The following VDR variants were observed in gnomAD, a reference collection of about 807,000 sequenced individuals.
VDR encodes vitamin D receptor, also known as vitamin D3 receptor.
A neutral mutation model predicts 39.7 loss-of-function variants in VDR; 19 were observed. The ratio of observed to expected loss-of-function variants is 0.48; its 90% CI spans 0.33 to 0.70. VDR has a LOEUF of 0.70. VDR is among the 30% of genes least tolerant of loss of function. VDR has a pLI of 0.02. For synonymous variants in VDR, 242 were observed against 215.8 expected, an observed-to-expected ratio of 1.12 and a Z score of -1.07; for missense variants, 442 against 570.5, an observed-to-expected ratio of 0.77 and a Z score of 2.29.
At chr12:47,876,023 A>C (rs1945993484) in intron 3 of VDR, among the ~76,000 whole-genome samples, 1 of 152,164 alleles carries the variant, frequency 6.6e-6, no homozygotes, top group South Asian at 2.1e-4. Flanking sequence ...AATAAAAATC[A>C]AAAAAAGGCA....
chr12:47,883,150 C>A (rs1162223170), intron 1 of VDR, among the ~76,000 whole-genome samples: 2 of 152,204 alleles, frequency 1.3e-5, no homozygotes, highest in Non-Finnish European at 2.9e-5. Flanking sequence ...CTCACTACCC[C>A]CTCCATCTCC....
intron 3 of VDR, among the ~76,000 whole-genome samples, chr12:47,870,490 G>A (rs985040275): frequency 1.3e-5 from 2 of 152,168 alleles, no homozygotes; most frequent in Non-Finnish European, 2.9e-5. Context: ...GGTAGGGGTG[G>A]GGCAACCAAG....
rs1478582102 is a variant in VDR at position 47,859,915 on chromosome 12, T to TTC, written c.278-2229_278-2228dup. ...CTTCCTTCCTTCCTTCCTTCCTTCC[T>TTC]TCTTTCTTTTTCTTTCTTTCTTTCT... On this transcript the variant is annotated intron_variant, in intron 4 of 9. Transcript: ENST00000549336. 1.5e-3 allele frequency among the ~76,000 whole-genome samples: 54 copies of TTC among 35,590 alleles called. 2 individuals carry two copies. The highest frequency in any genetic ancestry group is 2.4e-3 in the Admixed American group (10 of 4,114). The allele number at this position is 35,590 out of a possible 152,430, so 23.3% of individuals were successfully genotyped here. A position where few individuals can be genotyped will look rare whatever the true frequency, so the allele number is the denominator to read the frequency against.
chr12:47,872,172 T>C (rs924293067), intron 3 of VDR, among the ~76,000 whole-genome samples: 4 of 152,262 alleles, frequency 2.6e-5, no homozygotes, highest in African/African-American at 9.6e-5. Context: ...GTTAGATCGA[T>C]ATGTTTGAGT....
At chr12:47,845,056 C>T (rs1945253597) in intron 9 of VDR, 51 bp from the exon 10 acceptor site, 1 of 1,600,270 alleles carries the variant, frequency 6.2e-7, no homozygotes, top group Admixed American at 1.7e-5. Flanking sequence ...AGCTGGGCCC[C>T]TCACTGCTCA....
At chr12:47,851,626 G>A (rs1247687792) in intron 7 of VDR, among the ~76,000 whole-genome samples, 3 of 152,194 alleles carry the variant, frequency 2.0e-5, no homozygotes, top group Admixed American at 6.5e-5. Context: ...AGCAGAACCA[G>A]AGAGCTACTG....
At chr12:47,878,870 A>G in intron 3 of VDR, 98 bp downstream of exon 3, 6 of 1,590,184 alleles carry the variant, frequency 3.8e-6, no homozygotes, top group Non-Finnish European at 4.3e-6. Flanking sequence ...GGACATTGTA[A>G]GGAAGGAGAT....
chr12:47,868,746 C>CA (rs1345850900), intron 3 of VDR, among the ~76,000 whole-genome samples: 2 of 150,628 alleles, frequency 1.3e-5, no homozygotes, highest in African/African-American at 4.9e-5. Flanking sequence ...GTTTCTATTT[C>CA]AGAAGAAACT....
At chr12:47,868,765 C>CT (rs5798048) in intron 3 of VDR, among the ~76,000 whole-genome samples, 71 of 144,348 alleles carry the variant, frequency 4.9e-4, no homozygotes, top group Admixed American at 1.0e-3. Context: ...CTCTCATTTC[C>CT]TTTTTTTTTT....
rs1946075146 is a variant in VDR, at chr12:47,878,988, T to C, written c.126A>G (p.Glu42=). Residue 42 remains glutamate (E), a synonymous_variant, in exon 3 of 10, where the codon GAA becomes GAG. Transcript: ENST00000549336. The part of the protein sequence containing the change: ...TGFHFNAMTC[E]GCKGFFRRSM... ...CTCACCTGAAGAAGCCTTTGCAGCC[T>C]TCACAGGTCATAGCATTGAAGTGAA... The C allele has an allele frequency of 6.2e-7, 1 of 1,614,086 alleles. No individual in the cohort carries two copies. The highest frequency in any genetic ancestry group is 1.1e-5 in the South Asian group (1 of 91,092).
intron 4 of VDR, among the ~76,000 whole-genome samples, chr12:47,858,656 G>T (rs927095220): frequency 6.6e-6 from 1 of 152,260 alleles, no homozygotes; most frequent in Non-Finnish European, 1.5e-5. Flanking sequence ...CAGACCTCCT[G>T]GCTGTGGCTT....
intron 4 of VDR, among the ~76,000 whole-genome samples, chr12:47,860,689 C>A (rs1471196643): frequency 6.6e-6 from 1 of 152,124 alleles, no homozygotes; most frequent in Admixed American, 6.5e-5. Flanking sequence ...CATGGCTTGG[C>A]GTGCTGGGCT....
Position 47,846,179 on chromosome 12 carries a change from C to A in VDR, c.1024+156G>T, listed in dbSNP as rs531258673. On this transcript the variant is annotated intron_variant, in intron 9 of 9. Transcript: ENST00000549336. ...GGGGCACCTCAGCGTCCACACACCA[C>A]AGGGGCTCTGCAAACCAGCAAAGTA... 6.6e-5 allele frequency among the ~76,000 whole-genome samples: 10 copies of A among 152,366 alleles called. No homozygotes were observed. The East Asian group carries it at 1.9e-3, about 29-fold the overall frequency.
At chr12:47,874,635 C>T (rs1019138724) in intron 3 of VDR, among the ~76,000 whole-genome samples, 8 of 152,220 alleles carry the variant, frequency 5.3e-5, no homozygotes, top group Admixed American at 5.2e-4. Context: ...CTTATTTAAG[C>T]ATCCCAACAG....
chr12:47,903,653 A>G (rs1385795379), intron 1 of VDR, among the ~76,000 whole-genome samples: 2 of 152,056 alleles, frequency 1.3e-5, no homozygotes, highest in East Asian at 3.9e-4. Flanking sequence ...CTTTGCCAAC[A>G]CCATGACTTC....
chr12:47,867,654 A>G (rs1565620060), intron 3 of VDR, among the ~76,000 whole-genome samples: 1 of 152,214 alleles, frequency 6.6e-6, no homozygotes, highest in Non-Finnish European at 1.5e-5. Context: ...AGATGGTGGC[A>G]GAATCACTGT....
At chr12:47,873,163 T>C (rs745813061) in intron 3 of VDR, among the ~76,000 whole-genome samples, 1 of 152,114 alleles carries the variant, frequency 6.6e-6, no homozygotes, top group Non-Finnish European at 1.5e-5. Context: ...CTTGCTGTTC[T>C]TGTGATACTG....
At position 47,892,338 on chromosome 12, in the gene VDR, G is replaced by A. The variant is rs184004293; in HGVS notation, c.-83-9564C>T. Among the ~76,000 whole-genome samples, 11 of 152,330 alleles carry A rather than the reference G, an allele frequency of 7.2e-5. 1 individual carries two copies. In the Middle Eastern group the frequency reaches 0.01, roughly 141 times the overall value. On this transcript the variant is annotated intron_variant, in intron 1 of 9. Transcript: ENST00000549336. ...TGCAGCTTCTCAGGACCTGGGCCAC[G>A]TAGGAAGTTCCCACTCACTTTCAAG...
rs121909797 is a variant in VDR at position 47,878,977 on chromosome 12, C to T, written c.137G>A (p.Gly46Asp). The T allele has an allele frequency of 6.2e-7, 1 of 1,614,218 alleles. No homozygotes were observed. Among genetic ancestry groups the T allele is most frequent in the Non-Finnish European group, 8.5e-7 (1 of 1,180,040 alleles). The change falls in exon 3 of 10, where the codon GGC becomes GAC. Residue 46 changes from glycine (G) to aspartate (D), a missense_variant. By Grantham distance (94) the Gly-to-Asp change is moderately conservative. Coordinates refer to ENST00000549336, the MANE Select transcript of VDR (RefSeq NM_000376.3). ...TGGGAGGAGGGCTCACCTGAAGAAGCCTTTGCAGCCTTCACAGGTCATAGC... is the reference window on the plus strand; with the variant it reads ...TGGGAGGAGGGCTCACCTGAAGAAGTCTTTGCAGCCTTCACAGGTCATAGC... ...FNAMTCEGCK[G>D]FFRRSMKRKA...
Sources: gnomAD v4.1 joint callset for allele counts (sites outside exome capture counted in the v4.1 genomes callset) on GRCh38, gnomAD v4.1.1 for gene constraint, MANE v1.5 for transcripts, NCBI Gene and HGNC (gene_info 2026-07-23, HGNC 2026-07-21) for gene names.